FRMD4A: variants seen among roughly 807,000 people sequenced by gnomAD.
The protein encoded by FRMD4A is FERM domain containing 4A.
In FRMD4A, 29 loss-of-function variants were observed where a neutral mutation model predicts 129.1. That is an observed-to-expected ratio of 0.22 (90% CI 0.17 to 0.31). The LOEUF is 0.31. FRMD4A is among the 10% of genes least tolerant of loss of function. The pLI, the probability that FRMD4A is intolerant of heterozygous loss-of-function variation, is 1.00. For missense variants in FRMD4A, 1,272 were observed against 1,375.8 expected, an observed-to-expected ratio of 0.92 and a Z score of 1.19; for synonymous variants, 634 against 571.6, an observed-to-expected ratio of 1.11 and a Z score of -1.56.
At chr10:14,323,571 G>A (rs542094843) in intron 2 of FRMD4A, among the ~76,000 whole-genome samples, 13 of 70,928 alleles carry the variant, frequency 1.8e-4, no homozygotes, top group Non-Finnish European at 2.9e-4. Flanking sequence ...AACTGTAATG[G>A]GTATCTATCC....
intron 2 of FRMD4A, among the ~76,000 whole-genome samples, chr10:13,884,930 T>A (rs1392035899): frequency 1.3e-5 from 2 of 152,254 alleles, no homozygotes; most frequent in Non-Finnish European, 2.9e-5. Context: ...TAAGTGAGGA[T>A]GCACCATTTA....
intron 2 of FRMD4A, among the ~76,000 whole-genome samples, chr10:13,883,579 TC>T (rs1409230975): frequency 6.6e-6 from 1 of 152,228 alleles, no homozygotes; most frequent in Admixed American, 6.5e-5. Flanking sequence ...TGGATATCTT[TC>T]CCAGTTGGAA....
chr10:14,186,612 G>T (rs1842153962), intron 2 of FRMD4A, among the ~76,000 whole-genome samples: 1 of 152,170 alleles, frequency 6.6e-6, no homozygotes, highest in Admixed American at 6.5e-5. Context: ...TAGGGACCCT[G>T]CTTCTCTCCT....
At chr10:13,684,495 T>A (rs2084901583) in intron 15 of FRMD4A, 1 of 985,112 alleles carries the variant, frequency 1.0e-6, no homozygotes, top group African/African-American at 1.7e-5. Flanking sequence ...GAGGAGCGGA[T>A]GTGGAGGCAA....
chr10:13,758,948 T>C (rs375941412), intron 8 of FRMD4A, among the ~76,000 whole-genome samples: 11 of 152,190 alleles, frequency 7.2e-5, no homozygotes, highest in African/African-American at 2.2e-4. Context: ...TTTCGACGTG[T>C]TGGGTATCTT....
At chr10:14,034,346 G>A (rs916992668) in intron 2 of FRMD4A, among the ~76,000 whole-genome samples, 6 of 152,160 alleles carry the variant, frequency 3.9e-5, no homozygotes, top group African/African-American at 1.2e-4. Context: ...ATCCAGAGAC[G>A]CACGTCCCTG....
At chr10:14,275,543 A>G (rs150495636) in intron 2 of FRMD4A, among the ~76,000 whole-genome samples, 50 of 152,348 alleles carry the variant, frequency 3.3e-4, no homozygotes, top group African/African-American at 1.1e-3. Flanking sequence ...ATGAAGAAAA[A>G]CATCCAAGGG....
At chr10:13,946,992 T>A (rs113556724) in intron 2 of FRMD4A, among the ~76,000 whole-genome samples, 1 of 152,072 alleles carries the variant, frequency 6.6e-6, no homozygotes, top group Non-Finnish European at 1.5e-5. Context: ...TTCAGGAAGG[T>A]ACCTGAGCTG....
chr10:14,096,434 G>T (rs1367597727), intron 2 of FRMD4A, among the ~76,000 whole-genome samples: 4 of 152,166 alleles, frequency 2.6e-5, no homozygotes, highest in African/African-American at 9.7e-5. Context: ...TCTTTCCCTG[G>T]CAACAGTTAT....
intron 2 of FRMD4A, among the ~76,000 whole-genome samples, chr10:14,151,946 G>C (rs1308586749): frequency 6.6e-6 from 1 of 152,014 alleles, no homozygotes; most frequent in East Asian, 1.9e-4. Context: ...TGAGAACCAA[G>C]CTCATTCAAA....
chr10:14,072,895 G>A (rs957409058), intron 2 of FRMD4A, among the ~76,000 whole-genome samples: 3 of 152,120 alleles, frequency 2.0e-5, no homozygotes, highest in African/African-American at 7.2e-5. Context: ...GCACTTCCCA[G>A]ATATAAAGTT....
chr10:13,725,811 T>C (rs987544833), intron 12 of FRMD4A, among the ~76,000 whole-genome samples: 2 of 152,250 alleles, frequency 1.3e-5, no homozygotes, highest in African/African-American at 2.4e-5. Flanking sequence ...TATAAATGAC[T>C]GTAACAATAT....
chr10:14,064,803 C>T (rs576768517), intron 2 of FRMD4A, among the ~76,000 whole-genome samples: 1 of 152,228 alleles, frequency 6.6e-6, no homozygotes, highest in Admixed American at 6.5e-5. Flanking sequence ...GTCTTGAACT[C>T]TTGATCTCAG....
intron 2 of FRMD4A, among the ~76,000 whole-genome samples, chr10:14,039,467 T>TTGGAACCCCAAA (rs1565204783): frequency 1.5e-4 from 10 of 64,834 alleles, no homozygotes; most frequent in African/African-American, 5.6e-4. Context: ...TCTATCTATC[T>TTGGAACCCCAAA]ATCTATCTAT....
intron 4 of FRMD4A, 49 bp downstream of exon 4, chr10:13,810,765 T>C: frequency 1.0e-6 from 1 of 1,004,178 alleles, no homozygotes; most frequent in Non-Finnish European, 1.6e-6. Context: ...AGTTTCGGGT[T>C]CTGCACTGAC....
At chr10:14,161,127 TG>T (rs1181656066) in intron 2 of FRMD4A, among the ~76,000 whole-genome samples, 1 of 152,134 alleles carries the variant, frequency 6.6e-6, no homozygotes, top group African/African-American at 2.4e-5. Context: ...GATAATTTTT[TG>T]TAGTTTTAGC....
intron 2 of FRMD4A, among the ~76,000 whole-genome samples, chr10:14,184,314 T>TTTTTTTTTTTTTTTTTTTTTTG (rs1842009375): frequency 6.8e-6 from 1 of 147,878 alleles, no homozygotes; most frequent in Non-Finnish European, 1.5e-5. Context: ...TTTTTTTTTT[T>TTTTTTTTTTTTTTTTTTTTTTG]AGTAGAGATG....
chr10:14,193,855 C>G (rs192013917), intron 2 of FRMD4A, among the ~76,000 whole-genome samples: 109 of 152,278 alleles, frequency 7.2e-4, no homozygotes, highest in Non-Finnish European at 1.2e-3. Flanking sequence ...TCCTAGACTT[C>G]TTGGTCCCTA....
chr10:14,097,157 A>G (rs1837015871), intron 2 of FRMD4A: 1 of 138,942 alleles, frequency 7.2e-6, no homozygotes, highest in East Asian at 2.0e-4. Flanking sequence ...AAAAAAAAAA[A>G]AAAAAAAAAA....
Sources: allele counts gnomAD v4.1 joint callset (sites outside exome capture counted in the v4.1 genomes callset), GRCh38; gene constraint gnomAD v4.1.1; transcripts MANE v1.5; gene names NCBI Gene and HGNC (gene_info 2026-07-23, HGNC 2026-07-21).